Variants in INPP4A observed in about 807,000 individuals in gnomAD.
The protein encoded by INPP4A is inositol polyphosphate-4-phosphatase type I A, also known as inositol polyphosphate-4-phosphatase, type I, 107kD.
A neutral mutation model predicts 119.8 loss-of-function variants in INPP4A; 33 were observed. The observed-to-expected ratio is 0.28, with a 90% CI of 0.21 to 0.37. The LOEUF (loss-of-function observed/expected upper bound fraction) is 0.37. Ranked by LOEUF, INPP4A falls within the 10% of genes least tolerant of loss-of-function variation. INPP4A has a pLI of 1.00. For synonymous variants in INPP4A, 496 were observed against 500.7 expected, an observed-to-expected ratio of 0.99 and a Z score of 0.12; for missense variants, 956 against 1,289.9, an observed-to-expected ratio of 0.74 and a Z score of 3.97.
intron 1 of INPP4A, among the ~76,000 whole-genome samples, chr2:98,460,270 T>C (rs1003227616): frequency 2.0e-5 from 3 of 151,766 alleles, no homozygotes; most frequent in African/African-American, 7.3e-5. Context: ...CTCTTGTGGG[T>C]TTTGGGGAGC....
At chr2:98,582,148 C>CTA (rs1212377192) in intron 24 of INPP4A, among the ~76,000 whole-genome samples, 1 of 152,230 alleles carries the variant, frequency 6.6e-6, no homozygotes, top group East Asian at 1.9e-4. Flanking sequence ...ATATTTGATA[C>CTA]TATTCTTTAA....
intron 22 of INPP4A, 127 bp from the exon 23 acceptor site, chr2:98,572,688 C>A: frequency 1.6e-6 from 1 of 612,258 alleles, no homozygotes. Context: ...ACACCTCCAT[C>A]CCTTCTTCAA....
At chr2:98,462,395 C>T (rs568597221) in intron 1 of INPP4A, among the ~76,000 whole-genome samples, 5 of 152,286 alleles carry the variant, frequency 3.3e-5, no homozygotes, top group Admixed American at 2.6e-4. Flanking sequence ...TTGCAGTGAG[C>T]CGAGATCGTG....
intron 23 of INPP4A, 29 bp from the exon 24 acceptor site, chr2:98,576,960 C>T (rs1183973869): frequency 2.5e-6 from 4 of 1,599,612 alleles, no homozygotes; most frequent in Non-Finnish European, 3.4e-6. Context: ...AGCCTCGCCT[C>T]TAAGCACGGC....
At chr2:98,485,595 G>C (rs1341194452) in intron 1 of INPP4A, among the ~76,000 whole-genome samples, 7 of 152,086 alleles carry the variant, frequency 4.6e-5, no homozygotes, top group Non-Finnish European at 8.8e-5. Flanking sequence ...CTCGCTTCGG[G>C]AACACTAATG....
At position 98,546,811 on chromosome 2, in the gene INPP4A, C is replaced by T. The variant is rs1291234200; in HGVS notation, c.1163+117C>T. ...CACCCAGCCATCTGATCTGCTTTTG[C>T]GTGGCAGGAGGATCTGCCTTATGGA... On this transcript the variant is annotated intron_variant, in intron 13 of 24. Transcript: ENST00000409851. The surrounding 1 kb of genome is among the most constrained non-coding windows in gnomAD (Gnocchi z 4.2). 8.7e-6 allele frequency: 6 copies of T among 692,348 alleles called. No individual in the cohort carries two copies. The highest frequency in any genetic ancestry group is 1.7e-5 in the South Asian group (1 of 58,576). The allele number at this position is 692,348 out of a possible 1,614,324, so 42.9% of individuals were successfully genotyped here. A position where few individuals can be genotyped will look rare whatever the true frequency, so the allele number is the denominator to read the frequency against.
intron 1 of INPP4A, among the ~76,000 whole-genome samples, chr2:98,467,393 C>T (rs921151184): frequency 3.3e-5 from 5 of 152,238 alleles, no homozygotes; most frequent in African/African-American, 1.2e-4. Flanking sequence ...TCCCCCTCAT[C>T]TGCTGATGAT....
At position 98,593,948 on chromosome 2, in the gene INPP4A, A is replaced by G. The variant is rs1700504869; in HGVS notation, c.*6340A>G. The stretch of plus-strand genomic sequence containing the variant: ...AAAAACTTCCTCTCCTTCATTGTTG[A>G]CTATGAAGATTCTTTCATGCATGTC... On this transcript the variant is annotated 3_prime_UTR_variant, in exon 25 of 25. Transcript: ENST00000409851. 6.6e-6 allele frequency: 1 copy of G among 151,952 alleles called. No individual in the cohort carries two copies. Among genetic ancestry groups the G allele is most frequent in the African/African-American group, 2.4e-5 (1 of 41,404 alleles). The allele number at this position is 151,952 out of a possible 1,614,324, so 9.4% of individuals were successfully genotyped here. A position where few individuals can be genotyped will look rare whatever the true frequency, so the allele number is the denominator to read the frequency against.
At chr2:98,586,817 G>A (rs1700005464) in intron 24 of INPP4A, among the ~76,000 whole-genome samples, 1 of 150,664 alleles carries the variant, frequency 6.6e-6, no homozygotes, top group Non-Finnish European at 1.5e-5. Flanking sequence ...TGGAAGGGTG[G>A]CTGGCTGCTA....
chr2:98,464,701 T>C (rs1674387775), intron 1 of INPP4A, among the ~76,000 whole-genome samples: 1 of 152,144 alleles, frequency 6.6e-6, no homozygotes, highest in Admixed American at 6.5e-5. Context: ...TGATCACAGC[T>C]CATGATGCCT....
intron 1 of INPP4A, among the ~76,000 whole-genome samples, chr2:98,515,213 G>A (rs190867627): frequency 1.3e-5 from 2 of 152,310 alleles, no homozygotes; most frequent in Admixed American, 1.3e-4. Flanking sequence ...ACTGATCTAT[G>A]ATTTTAGCTG....
chr2:98,455,001 GT>G (rs1695872602), intron 1 of INPP4A, among the ~76,000 whole-genome samples: 1 of 152,188 alleles, frequency 6.6e-6, no homozygotes. Flanking sequence ...ACAGTGGTAT[GT>G]TTGACAGAAC....
At chr2:98,479,291 G>A (rs936460048) in intron 1 of INPP4A, among the ~76,000 whole-genome samples, 2 of 152,178 alleles carry the variant, frequency 1.3e-5, no homozygotes, top group African/African-American at 4.8e-5. Context: ...GGGGGTATCT[G>A]CTGTGCCTTG....
intron 4 of INPP4A, chr2:98,521,833 G>A (rs1190606700): frequency 6.6e-6 from 1 of 151,998 alleles, no homozygotes; most frequent in African/African-American, 2.4e-5. Context: ...CTACTAAGGA[G>A]GCTGAGGTGG....
chr2:98,454,280 G>C (rs1009484891), intron 1 of INPP4A, among the ~76,000 whole-genome samples: 1 of 152,234 alleles, frequency 6.6e-6, no homozygotes, highest in Admixed American at 6.5e-5. Context: ...TGTCAGGACA[G>C]TTCCCAAGGC....
intron 1 of INPP4A, among the ~76,000 whole-genome samples, chr2:98,489,567 A>AAGCAGTATAG (rs367645849): frequency 2.2e-4 from 33 of 152,226 alleles, no homozygotes; most frequent in African/African-American, 7.7e-4. Context: ...CATTGGTACC[A>AAGCAGTATAG]AGCAGTATAG....
At chr2:98,553,117 A>G in intron 14 of INPP4A, 148 bp downstream of exon 14, 2 of 676,704 alleles carry the variant, frequency 3.0e-6, no homozygotes, top group Non-Finnish European at 5.0e-6. Context: ...ATTTCGCACA[A>G]AGGCCCAGGG....
chr2:98,561,274 G>A (rs1695425960), intron 17 of INPP4A, among the ~76,000 whole-genome samples: 1 of 152,202 alleles, frequency 6.6e-6, no homozygotes, highest in Non-Finnish European at 1.5e-5. Flanking sequence ...CGTCACTCAG[G>A]ACATTGTTTC....
At position 98,568,467 on chromosome 2, in the gene INPP4A, G is replaced by A. The variant is rs1696879239; in HGVS notation, c.2421-104G>A. 4 of 651,988 alleles carry A rather than the reference G, an allele frequency of 6.1e-6. No individual in the cohort carries two copies. The Admixed American group carries it at 7.4e-5, about 12-fold the overall frequency. The allele number at this position is 651,988 out of a possible 1,614,324, so 40.4% of individuals were successfully genotyped here. On this transcript the variant is annotated intron_variant, in intron 21 of 24. Transcript: ENST00000409851. ...GTGGCTTAGAATTTAGATATGCATAGTAAATGTTTGAGAGAATCAGCATAG... is the reference window on the plus strand; with the variant it reads ...GTGGCTTAGAATTTAGATATGCATAATAAATGTTTGAGAGAATCAGCATAG...
Sources: allele counts gnomAD v4.1 joint callset (sites outside exome capture counted in the v4.1 genomes callset), GRCh38; gene constraint gnomAD v4.1.1; non-coding constraint Gnocchi (gnomAD v3.1); transcripts MANE v1.5; gene names NCBI Gene and HGNC (gene_info 2026-07-23, HGNC 2026-07-21).